The following HS6ST3 variants were observed in gnomAD, a reference collection of about 807,000 sequenced individuals.
The protein encoded by HS6ST3 is heparan-sulfate 6-O-sulfotransferase 3.
Under a neutral mutation model 36.7 loss-of-function variants are expected in HS6ST3, and 12 were observed. The observed-to-expected ratio is 0.33, with a 90% confidence interval of 0.21 to 0.53. The LOEUF (loss-of-function observed/expected upper bound fraction) is 0.53. Ranked by LOEUF, HS6ST3 falls within the 20% of genes least tolerant of loss-of-function variation. The probability of loss-of-function intolerance (pLI) is 0.95; values close to 1 mark genes in which losing one functional copy is unlikely to be tolerated. For synonymous variants in HS6ST3, 240 were observed against 257.5 expected, an observed-to-expected ratio of 0.93 and a Z score of 0.65; for missense variants, 584 against 640.9, an observed-to-expected ratio of 0.91 and a Z score of 0.96.
chr13:96,455,918 C>T (rs2055752436), intron 1 of HS6ST3, among the ~76,000 whole-genome samples: 1 of 152,108 alleles, frequency 6.6e-6, no homozygotes, highest in Admixed American at 6.6e-5. Flanking sequence ...GAAAAAATGA[C>T]CGAATGTCTT....
chr13:96,760,166 T>C (rs528734630), intron 1 of HS6ST3, among the ~76,000 whole-genome samples: 1 of 152,154 alleles, frequency 6.6e-6, no homozygotes, highest in South Asian at 2.1e-4. Context: ...ACTCTTTAAA[T>C]TTTTTTGTTT....
intron 1 of HS6ST3, among the ~76,000 whole-genome samples, chr13:96,380,322 A>T (rs1011311252): frequency 6.7e-6 from 1 of 149,788 alleles, no homozygotes. Flanking sequence ...CTGGAGTGCA[A>T]TGGTGGGATA....
At chr13:96,690,453 G>C (rs1874924855) in intron 1 of HS6ST3, among the ~76,000 whole-genome samples, 1 of 152,068 alleles carries the variant, frequency 6.6e-6, no homozygotes, top group Admixed American at 6.6e-5. Flanking sequence ...TTTGAAACCA[G>C]ATAATGGGAT....
At chr13:96,334,716 A>G (rs1203050682) in intron 1 of HS6ST3, among the ~76,000 whole-genome samples, 1 of 152,092 alleles carries the variant, frequency 6.6e-6, no homozygotes, top group Non-Finnish European at 1.5e-5. Flanking sequence ...TACCACAAAA[A>G]CAGTATGGGG....
intron 1 of HS6ST3, among the ~76,000 whole-genome samples, chr13:96,267,383 A>G (rs763987606): frequency 6.6e-6 from 1 of 152,132 alleles, no homozygotes; most frequent in Non-Finnish European, 1.5e-5. Flanking sequence ...AACCATTCTA[A>G]ATCTTTTAGA....
chr13:96,225,381 G>C (rs116248138), intron 1 of HS6ST3, among the ~76,000 whole-genome samples: 1,750 of 152,270 alleles, frequency 0.011, 35 homozygotes, highest in African/African-American at 0.04. Flanking sequence ...AAGTCCACAA[G>C]TTAGGAAACA....
At chr13:96,658,268 CTTTT>C (rs71213623) in intron 1 of HS6ST3, among the ~76,000 whole-genome samples, 40 of 76,160 alleles carry the variant, frequency 5.3e-4, no homozygotes, top group South Asian at 1.1e-3. Flanking sequence ...TCTTCTTCTT[CTTTT>C]TTTTTTTTTT....
chr13:96,468,469 T>TACATAC (rs1191834841), intron 1 of HS6ST3, among the ~76,000 whole-genome samples: 1 of 46,152 alleles, frequency 2.2e-5, no homozygotes, highest in African/African-American at 6.2e-5. Context: ...TAACAGGACA[T>TACATAC]ACACACATAC....
chr13:96,197,851 T>G (rs1594712808), intron 1 of HS6ST3, among the ~76,000 whole-genome samples: 2 of 152,166 alleles, frequency 1.3e-5, no homozygotes, highest in East Asian at 1.9e-4. Context: ...TCTACCATTC[T>G]GGGGACTGGA....
chr13:96,827,848 A>T (rs1323394062), intron 1 of HS6ST3, among the ~76,000 whole-genome samples: 2 of 152,202 alleles, frequency 1.3e-5, no homozygotes, highest in Non-Finnish European at 2.9e-5. Flanking sequence ...CAGTGGAATG[A>T]TGGTACTGGA....
intron 1 of HS6ST3, among the ~76,000 whole-genome samples, chr13:96,792,015 CATAT>C (rs1479858710): frequency 6.6e-6 from 1 of 151,962 alleles, no homozygotes; most frequent in African/African-American, 2.4e-5. Context: ...TGCATATATA[CATAT>C]ACTTTTATAT....
intron 1 of HS6ST3, among the ~76,000 whole-genome samples, chr13:96,287,205 G>C (rs903478979): frequency 1.3e-5 from 2 of 152,054 alleles, no homozygotes; most frequent in African/African-American, 4.8e-5. Context: ...AGACATCCCT[G>C]TTGAATTCAT....
At chr13:96,300,262 G>C (rs2054875491) in intron 1 of HS6ST3, among the ~76,000 whole-genome samples, 1 of 151,580 alleles carries the variant, frequency 6.6e-6, no homozygotes. Context: ...TCACCATGTT[G>C]GCCAGGCTGG....
At chr13:96,690,192 T>A (rs553236) in intron 1 of HS6ST3, among the ~76,000 whole-genome samples, 2 of 152,082 alleles carry the variant, frequency 1.3e-5, no homozygotes, top group Non-Finnish European at 1.5e-5. Flanking sequence ...AAATAGAAAC[T>A]TAAAGGAAAA....
At chr13:96,324,138 A>G (rs7320054) in intron 1 of HS6ST3, among the ~76,000 whole-genome samples, 55,239 of 152,040 alleles carry the variant, frequency 0.36, 10,329 homozygotes, top group African/African-American at 0.43. Context: ...GAGGAAACTG[A>G]TAATGACAGT....
intron 1 of HS6ST3, among the ~76,000 whole-genome samples, chr13:96,661,721 G>T (rs1051956153): frequency 2.0e-5 from 3 of 152,120 alleles, no homozygotes; most frequent in Admixed American, 2.0e-4. Flanking sequence ...GTGTTTTTAT[G>T]ATGGTGAGTT....
intron 1 of HS6ST3, among the ~76,000 whole-genome samples, chr13:96,335,257 C>G (rs994651613): frequency 1.3e-5 from 2 of 152,166 alleles, no homozygotes; most frequent in Non-Finnish European, 2.9e-5. Flanking sequence ...GTCCCAGGAA[C>G]TCTTGCAGGT....
At chr13:96,100,950 T>A (rs2053815368) in intron 1 of HS6ST3, among the ~76,000 whole-genome samples, 1 of 152,150 alleles carries the variant, frequency 6.6e-6, no homozygotes, top group African/African-American at 2.4e-5. Flanking sequence ...TACTGCATGA[T>A]TTTCTGCATG....
At chr13:96,428,576 T>C (rs1187202104) in intron 1 of HS6ST3, among the ~76,000 whole-genome samples, 3 of 152,148 alleles carry the variant, frequency 2.0e-5, no homozygotes, top group African/African-American at 7.2e-5. Flanking sequence ...AGGACACCAG[T>C]CATTGGATTA....
Sources: allele counts gnomAD v4.1 joint callset (sites outside exome capture counted in the v4.1 genomes callset), GRCh38; gene constraint gnomAD v4.1.1; transcripts MANE v1.5; gene names NCBI Gene and HGNC (gene_info 2026-07-23, HGNC 2026-07-21).